The following TMEM131L variants were observed in gnomAD, a reference collection of about 807,000 sequenced individuals.
The protein encoded by TMEM131L is transmembrane 131 like, also known as transmembrane protein 131-like.
A neutral mutation model predicts 192.2 loss-of-function variants in TMEM131L; 54 were observed. That is an observed-to-expected ratio of 0.28 (90% CI 0.23 to 0.35). The LOEUF is 0.35. Among genes scored for constraint, TMEM131L ranks in the 10% least tolerant of loss-of-function variants. The pLI is 1.00. For missense variants in TMEM131L, 1,888 were observed against 1,972.9 expected (o/e 0.96, Z 0.82); for synonymous variants, 701 against 704.9 (o/e 0.99, Z 0.09).
At chr4:153,593,103 G>A (rs969942666) in intron 18 of TMEM131L, among the ~76,000 whole-genome samples, 2 of 152,236 alleles carry the variant, frequency 1.3e-5, no homozygotes, top group Non-Finnish European at 2.9e-5. Flanking sequence ...GGAACCTGCA[G>A]ATGCAGAGGG....
intron 3 of TMEM131L, among the ~76,000 whole-genome samples, chr4:153,510,044 A>G (rs1243886343): frequency 6.6e-6 from 1 of 152,246 alleles, no homozygotes; most frequent in Non-Finnish European, 1.5e-5. Context: ...GTGAAAGTGT[A>G]TAGAAGCACT....
chr4:153,583,094 G>T, intron 9 of TMEM131L, 96 bp from the exon 10 acceptor site: 1 of 729,982 alleles, frequency 1.4e-6, no homozygotes, highest in Non-Finnish European at 2.5e-6. Context: ...GTGTAATGTG[G>T]TATTTTAATG....
At chr4:153,481,147 C>T (rs1435118447) in intron 3 of TMEM131L, among the ~76,000 whole-genome samples, 1 of 152,000 alleles carries the variant, frequency 6.6e-6, no homozygotes, top group African/African-American at 2.4e-5. Flanking sequence ...CCTGGGCTCT[C>T]TTTTTTTGCC....
At position 153,632,842 on chromosome 4, in the gene TMEM131L, C is replaced by T. The variant is rs754336962; in HGVS notation, c.4328+4C>T. On this transcript the variant is annotated splice_donor_region_variant and intron_variant, in intron 32 of 34. Coordinates refer to ENST00000409959, the MANE Select transcript of TMEM131L (RefSeq NM_001131007.2). ...AGTCGGCCCCGGTTCATAATAGGTACAGCTTCACTTCTCTGATTGGTGCCT... is the reference window on the plus strand; with the variant it reads ...AGTCGGCCCCGGTTCATAATAGGTATAGCTTCACTTCTCTGATTGGTGCCT... The T allele has an allele frequency of 6.8e-6, 11 of 1,613,978 alleles. No homozygotes were observed. Among genetic ancestry groups the T allele is most frequent in the African/African-American group, 1.3e-5 (1 of 74,916 alleles).
intron 28 of TMEM131L, 66 bp from the exon 29 acceptor site, chr4:153,622,828 CTCTT>C (rs1295791608): frequency 2.0e-6 from 3 of 1,504,882 alleles, no homozygotes; most frequent in East Asian, 2.3e-5. Context: ...TGTCACCTCT[CTCTT>C]TCTGTTAGAA....
chr4:153,522,012 A>G (rs1339158760), intron 3 of TMEM131L, among the ~76,000 whole-genome samples: 1 of 152,162 alleles, frequency 6.6e-6, no homozygotes, highest in Non-Finnish European at 1.5e-5. Context: ...ATGTGCTTCT[A>G]CTGAGCCTGC....
At chr4:153,552,736 A>G (rs922662569) in intron 4 of TMEM131L, among the ~76,000 whole-genome samples, 8 of 152,254 alleles carry the variant, frequency 5.3e-5, no homozygotes, top group Admixed American at 2.0e-4. Context: ...CATGAGGCTG[A>G]GGCAGGAGGA....
At chr4:153,581,952 G>A (rs1195483442) in intron 9 of TMEM131L, among the ~76,000 whole-genome samples, 1 of 152,182 alleles carries the variant, frequency 6.6e-6, no homozygotes, top group Non-Finnish European at 1.5e-5. Context: ...TAGCTAATAG[G>A]TTGCGGTTGT....
At chr4:153,576,152 G>A (rs1162624193) in intron 7 of TMEM131L, among the ~76,000 whole-genome samples, 1 of 152,066 alleles carries the variant, frequency 6.6e-6, no homozygotes, top group Non-Finnish European at 1.5e-5. Context: ...AGTAGAGACA[G>A]GGTTTCACCA....
intron 29 of TMEM131L, among the ~76,000 whole-genome samples, chr4:153,625,250 A>C (rs1226146382): frequency 6.6e-6 from 1 of 152,050 alleles, no homozygotes; most frequent in Non-Finnish European, 1.5e-5. Context: ...ATCTCTACTA[A>C]AAATTCAAAA....
chr4:153,588,300 G>T (rs1168511454), intron 15 of TMEM131L, among the ~76,000 whole-genome samples: 1 of 136,494 alleles, frequency 7.3e-6, no homozygotes, highest in Non-Finnish European at 1.6e-5. Context: ...TTTGTCTTTT[G>T]ATTTATAGAG....
rs74877908 is a variant in TMEM131L, at chr4:153,573,264, C to T, written c.661-7562C>T. Among the ~76,000 whole-genome samples the T allele has an allele frequency of 5.3e-5, 8 of 152,362 alleles. No homozygotes were observed. In the East Asian group the frequency reaches 9.6e-4, roughly 18 times the overall value. ...CCTTTCTTTTATAGCCTAATTCTCG[C>T]CACAGCGATGCCTGCTTAAGTATAA... On this transcript the variant is annotated intron_variant, in intron 7 of 34. Coordinates refer to ENST00000409959, the MANE Select transcript of TMEM131L (RefSeq NM_001131007.2).
intron 3 of TMEM131L, among the ~76,000 whole-genome samples, chr4:153,482,045 C>T (rs1414636284): frequency 6.6e-6 from 1 of 151,968 alleles, no homozygotes; most frequent in Non-Finnish European, 1.5e-5. Context: ...TAGGGTTTCA[C>T]CATGTTGGAT....
chr4:153,495,568 G>A (rs1733118737), intron 3 of TMEM131L, among the ~76,000 whole-genome samples: 1 of 152,158 alleles, frequency 6.6e-6, no homozygotes, highest in African/African-American at 2.4e-5. Context: ...ACACAATTTA[G>A]TCTGCCTCAG....
chr4:153,509,060 G>T (rs970040622), intron 3 of TMEM131L, among the ~76,000 whole-genome samples: 7 of 152,064 alleles, frequency 4.6e-5, no homozygotes, highest in Non-Finnish European at 8.8e-5. Flanking sequence ...ATCTTAAAAA[G>T]AGGGCCGGGT....
At chr4:153,527,564 A>T (rs1015938026) in intron 3 of TMEM131L, among the ~76,000 whole-genome samples, 1 of 152,230 alleles carries the variant, frequency 6.6e-6, no homozygotes, top group African/African-American at 2.4e-5. Context: ...GGCATGAGCC[A>T]CTGGCCCAAA....
intron 3 of TMEM131L, among the ~76,000 whole-genome samples, chr4:153,540,192 A>G (rs140319464): frequency 2.6e-5 from 4 of 152,194 alleles, no homozygotes; most frequent in Non-Finnish European, 2.9e-5. Flanking sequence ...GTAAAATATT[A>G]TTCCGGGTCA....
intron 3 of TMEM131L, among the ~76,000 whole-genome samples, chr4:153,511,159 C>G (rs1734328565): frequency 1.3e-5 from 2 of 152,168 alleles, no homozygotes; most frequent in South Asian, 2.1e-4. Flanking sequence ...ATAAGTTGTT[C>G]TATCATAAAG....
intron 3 of TMEM131L, among the ~76,000 whole-genome samples, chr4:153,487,004 C>T (rs1732385018): frequency 6.6e-6 from 1 of 152,194 alleles, no homozygotes; most frequent in African/African-American, 2.4e-5. Flanking sequence ...AAATCAGCAT[C>T]GCTTGGGAAC....
Sources: gnomAD v4.1 joint callset for allele counts (sites outside exome capture counted in the v4.1 genomes callset) on GRCh38, gnomAD v4.1.1 for gene constraint, MANE v1.5 for transcripts, NCBI Gene and HGNC (gene_info 2026-07-23, HGNC 2026-07-21) for gene names.